Variants in CENPQ observed in about 807,000 individuals in gnomAD.
CENPQ encodes the protein centromere protein Q.
In CENPQ, 27 loss-of-function variants were observed where a neutral mutation model predicts 36.6. That is an observed-to-expected ratio of 0.74 (90% confidence interval 0.54 to 1.02). CENPQ has a LOEUF of 1.02. Ranked by LOEUF, CENPQ falls within the 50% of genes least tolerant of loss-of-function variation. CENPQ has a pLI of 0.00. For synonymous variants in CENPQ, 101 were observed against 101.7 expected, an observed-to-expected ratio of 0.99 and a Z score of 0.04; for missense variants, 306 against 301.8, an observed-to-expected ratio of 1.01 and a Z score of -0.10.
chr6:49,472,091 C>T lies in CENPQ; in HGVS notation c.186C>T (p.His62=), dbSNP rs765467407. 6.2e-6 allele frequency: 10 copies of T among 1,612,452 alleles called. No individual in the cohort carries two copies. The highest frequency in any genetic ancestry group is 3.3e-4 in the Middle Eastern group (2 of 6,056). Residue 62 remains histidine (H), a synonymous_variant, in exon 4 of 9, where the codon CAC becomes CAT. Coordinates refer to ENST00000335783, the MANE Select transcript of CENPQ (RefSeq NM_018132.4). The part of the protein sequence containing the change: ...EGQTKHTNLK[H]GKTAASKRKT... The stretch of plus-strand genomic sequence containing the variant: ...AAACAAAGCACACTAACCTAAAACA[C>T]GGAAAGACAGCAGCCAGCAAGAGAA...
At position 49,470,190 on chromosome 6, in the gene CENPQ, C is replaced by T; in HGVS notation, c.14C>T (p.Ala5Val). ...GTTTAGATCAAGATGTCTGGTAAAG[C>T]AAATGCTTCCAAGAAAAACGCTCAA... is the stretch of plus-strand genomic sequence containing the variant. MSGK[A>V]NASKKNAQQL... The change falls in exon 2 of 9, where the codon GCA becomes GTA. Residue 5 changes from alanine (A) to valine (V), a missense_variant. Transcript: ENST00000335783. 6.3e-7 allele frequency: 1 copy of T among 1,598,508 alleles called. No homozygotes were observed. The highest frequency in any genetic ancestry group is 8.5e-7 in the Non-Finnish European group (1 of 1,171,004).
At chr6:49,475,373 A>G (rs1340301883) in intron 5 of CENPQ, among the ~76,000 whole-genome samples, 4 of 152,078 alleles carry the variant, frequency 2.6e-5, no homozygotes, top group Admixed American at 6.5e-5. Context: ...AAATTCAACA[A>G]CCCTTCATGC....
Position 49,492,467 on chromosome 6 carries a change from T to G in CENPQ, c.*192T>G. On this transcript the variant is annotated 3_prime_UTR_variant, in exon 9 of 9. Transcript: ENST00000335783. ...TAGTTCTGAAGACTGTTTTTAGCAG[T>G]TGCCAAATCTAGGAAACTAACATTT... 2.1e-6 allele frequency: 1 copy of G among 471,020 alleles called. No homozygotes were observed. The highest frequency in any genetic ancestry group is 3.6e-6 in the Non-Finnish European group (1 of 278,030). 29.2% of individuals were successfully genotyped at this position (471,020 alleles called of 1,614,324 possible). A position where few individuals can be genotyped will look rare whatever the true frequency, so the allele number is the denominator to read the frequency against.
intron 2 of CENPQ, among the ~76,000 whole-genome samples, chr6:49,470,580 C>T (rs1210625879): frequency 6.8e-6 from 1 of 147,472 alleles, no homozygotes; most frequent in African/African-American, 2.5e-5. Flanking sequence ...CGAGTTTGTG[C>T]CACTGCACTC....
intron 8 of CENPQ, among the ~76,000 whole-genome samples, chr6:49,491,466 G>GT (rs1768721120): frequency 6.6e-6 from 1 of 151,972 alleles, no homozygotes. Context: ...TGACAGTTTG[G>GT]TTTTTTTAAT....
intron 6 of CENPQ, among the ~76,000 whole-genome samples, chr6:49,482,076 CT>C (rs1768446501): frequency 6.6e-6 from 1 of 152,180 alleles, no homozygotes; most frequent in Admixed American, 6.5e-5. Context: ...GTGCTAAGCC[CT>C]TCATTGCCTG....
At chr6:49,476,935 G>T (rs1011886981) in intron 5 of CENPQ, among the ~76,000 whole-genome samples, 2 of 152,330 alleles carry the variant, frequency 1.3e-5, no homozygotes, top group African/African-American at 4.8e-5. Context: ...TGCTGGAGAG[G>T]ACATGCAGAA....
At chr6:49,477,482 G>T (rs992399600) in intron 5 of CENPQ, among the ~76,000 whole-genome samples, 12 of 150,868 alleles carry the variant, frequency 8.0e-5, no homozygotes, top group African/African-American at 2.9e-4. Context: ...TGAGTTAATG[G>T]GTACAGCACA....
chr6:49,465,143 C>T (rs1561962752), intron 1 of CENPQ, among the ~76,000 whole-genome samples: 1 of 152,198 alleles, frequency 6.6e-6, no homozygotes, highest in South Asian at 2.1e-4. Context: ...CATTAATCTC[C>T]TTGTACATCT....
At chr6:49,474,492 A>G (rs1372038855) in intron 5 of CENPQ, among the ~76,000 whole-genome samples, 2 of 152,218 alleles carry the variant, frequency 1.3e-5, no homozygotes, top group Non-Finnish European at 2.9e-5. Flanking sequence ...ACAACATACC[A>G]GAATCTCTGC....
intron 8 of CENPQ, among the ~76,000 whole-genome samples, 187 bp downstream of exon 8, chr6:49,488,871 C>CTT (rs371676617): frequency 7.0e-6 from 1 of 141,898 alleles, no homozygotes. Flanking sequence ...AGCATTATTT[C>CTT]TTTTTTTTTT....
chr6:49,473,391 T>G (rs973321026), intron 5 of CENPQ, among the ~76,000 whole-genome samples: 1 of 152,188 alleles, frequency 6.6e-6, no homozygotes. Flanking sequence ...CTCTAGTATT[T>G]ACACAACTTT....
chr6:49,472,178 AAT>A lies in CENPQ; in HGVS notation c.275_276del (p.Ile92AsnfsTer6). ...DHLQTMMESV[I>X]MTILSNSIKE... The stretch of plus-strand genomic sequence containing the variant: ...ATTTGCAAACTATGATGGAATCAGT[AAT>A]AATGTGAGTATAAAATTGTTCCATT... On this transcript the variant is annotated frameshift_variant, in exon 4 of 9. Coordinates refer to ENST00000335783, the MANE Select transcript of CENPQ (RefSeq NM_018132.4). LOFTEE classifies it high-confidence loss of function. 6.2e-7 allele frequency: 1 copy of A among 1,605,636 alleles called. No individual in the cohort carries two copies. The highest frequency in any genetic ancestry group is 8.5e-7 in the Non-Finnish European group (1 of 1,176,458).
intron 1 of CENPQ, among the ~76,000 whole-genome samples, chr6:49,464,675 G>A (rs1024896665): frequency 1.3e-5 from 2 of 152,220 alleles, no homozygotes; most frequent in African/African-American, 2.4e-5. Context: ...ACCAGGGGTA[G>A]ATTCCATCTC....
intron 5 of CENPQ, among the ~76,000 whole-genome samples, chr6:49,473,112 G>A (rs1443542931): frequency 1.3e-5 from 2 of 151,970 alleles, no homozygotes; most frequent in African/African-American, 4.8e-5. Context: ...TTCCATATCA[G>A]AATTTGAAAA....
At position 49,492,975 on chromosome 6, in the gene CENPQ, A is replaced by G. The variant is rs1201539603; in HGVS notation, c.*700A>G. Reference sequence around the variant, plus strand: ...AATATATAAACCTTTTCTTATTATGATAATAAGCTTATATATGTGAATAAG... The same window carrying G: ...AATATATAAACCTTTTCTTATTATGGTAATAAGCTTATATATGTGAATAAG... On this transcript the variant is annotated 3_prime_UTR_variant, in exon 9 of 9. Transcript: ENST00000335783. 2.6e-5 allele frequency: 4 copies of G among 152,486 alleles called. No individual in the cohort carries two copies. The highest frequency in any genetic ancestry group is 4.4e-5 in the Non-Finnish European group (3 of 68,012). The allele number at this position is 152,486 out of a possible 1,614,324, so 9.4% of individuals were successfully genotyped here.
Position 49,492,199 on chromosome 6 carries a change from T to G in CENPQ, c.731T>G (p.Ile244Ser). The change falls in exon 9 of 9, where the codon ATT becomes AGT. Residue 244 changes from isoleucine (I) to serine (S), a missense_variant. By Grantham distance (142) the Ile-to-Ser change is moderately radical. Coordinates refer to ENST00000335783, the MANE Select transcript of CENPQ (RefSeq NM_018132.4). ...NQNALLKDLD[I>S]LHNSSQMKSM... ...AATGCTCTTCTAAAGGACTTGGATATTCTTCATAATTCATCACAGATGAAG... is the reference window on the plus strand; with the variant it reads ...AATGCTCTTCTAAAGGACTTGGATAGTCTTCATAATTCATCACAGATGAAG... 2 of 1,608,788 alleles carry G rather than the reference T, an allele frequency of 1.2e-6. No homozygotes were observed. Among genetic ancestry groups the G allele is most frequent in the East Asian group, 2.2e-5 (1 of 44,774 alleles).
intron 6 of CENPQ, among the ~76,000 whole-genome samples, chr6:49,483,441 G>A (rs1470758268): frequency 6.6e-6 from 1 of 152,180 alleles, no homozygotes; most frequent in African/African-American, 2.4e-5. Flanking sequence ...CCCTTGGGTG[G>A]TCGATGGGAC....
chr6:49,464,284 G>A (rs1767943553), intron 1 of CENPQ, among the ~76,000 whole-genome samples: 1 of 151,940 alleles, frequency 6.6e-6, no homozygotes, highest in South Asian at 2.1e-4. Context: ...AAAATTACAT[G>A]CTGTAATTTT....
Sources: allele counts gnomAD v4.1 joint callset (sites outside exome capture counted in the v4.1 genomes callset), GRCh38; gene constraint gnomAD v4.1.1; transcripts MANE v1.5; gene names NCBI Gene and HGNC (gene_info 2026-07-23, HGNC 2026-07-21).